XIRP2: variants seen among roughly 807,000 people sequenced by gnomAD.
XIRP2 encodes the protein xin actin-binding repeat-containing protein 2.
Under a neutral mutation model 277.0 loss-of-function variants are expected in XIRP2, and 236 were observed. The observed-to-expected ratio is 0.85, with a 90% CI of 0.77 to 0.95. The LOEUF is 0.95. Among genes scored for constraint, XIRP2 ranks in the 40% least tolerant of loss-of-function variants. The pLI is 0.00. For synonymous variants in XIRP2, 1,490 were observed against 1,416.5 expected (o/e 1.05, Z -1.17); for missense variants, 4,640 against 4,157.5 (o/e 1.12, Z -3.19).
chr2:167,209,591 AGATGCATGAATGAGT>A (rs1486246167), intron 3 of XIRP2, among the ~76,000 whole-genome samples: 1 of 152,132 alleles, frequency 6.6e-6, no homozygotes. Flanking sequence ...TGAAGGCAGG[AGATGCATGAATGAGT>A]GATGCATATA....
intron 2 of XIRP2, among the ~76,000 whole-genome samples, chr2:166,940,668 A>G (rs1685680690): frequency 6.6e-6 from 1 of 152,218 alleles, no homozygotes; most frequent in Non-Finnish European, 1.5e-5. Context: ...TCTAACAGTC[A>G]GGACCCTCAG....
chr2:166,988,989 T>C (rs1220353954), intron 2 of XIRP2, among the ~76,000 whole-genome samples: 48 of 102,120 alleles, frequency 4.7e-4, no homozygotes, highest in Non-Finnish European at 7.9e-4. Context: ...TGCCTGCCTC[T>C]GTAGGCTCCA....
chr2:167,247,578 G>A lies in XIRP2; in HGVS notation c.6186G>A (p.Thr2062=), dbSNP rs1282402089. The A allele has an allele frequency of 1.5e-5, 25 of 1,613,520 alleles. 1 individual carries two copies. The Admixed American group carries it at 2.2e-4, about 14-fold the overall frequency. Reference sequence around the variant, plus strand: ...ATGTTTTGGAATCAGGAGACAAAACGGGTGTCTGGACTGATACTACAGGAG... The same window carrying A: ...ATGTTTTGGAATCAGGAGACAAAACAGGTGTCTGGACTGATACTACAGGAG... The part of the protein sequence containing the change: ...KSNVLESGDK[T]GVWTDTTGEQ... Residue 2062 remains threonine, a synonymous_variant, in exon 9 of 11, where the codon ACG becomes ACA. Coordinates refer to ENST00000409195, the MANE Select transcript of XIRP2 (RefSeq NM_152381.6).
chr2:167,109,084 A>G (rs1031903371), intron 2 of XIRP2, among the ~76,000 whole-genome samples: 2 of 151,854 alleles, frequency 1.3e-5, no homozygotes, highest in African/African-American at 4.8e-5. Flanking sequence ...ATGTGTTCTC[A>G]TTGTTTATTA....
intron 2 of XIRP2, among the ~76,000 whole-genome samples, chr2:167,008,591 AT>A: frequency 6.6e-6 from 1 of 151,696 alleles, no homozygotes; most frequent in Non-Finnish European, 1.5e-5. Flanking sequence ...TGGTTTGAAG[AT>A]TTTGTTTTTT....
chr2:167,222,576 C>A (rs1489082378), intron 5 of XIRP2, among the ~76,000 whole-genome samples: 2 of 152,114 alleles, frequency 1.3e-5, no homozygotes, highest in East Asian at 3.9e-4. Context: ...GGATTGAATT[C>A]TCAGTGTTTT....
intron 2 of XIRP2, among the ~76,000 whole-genome samples, chr2:167,101,305 T>C (rs114005961): frequency 0.015 from 2,217 of 152,274 alleles, 59 homozygotes; most frequent in African/African-American, 0.051. Flanking sequence ...GTAAAAGAGT[T>C]TGAATATGTA....
intron 3 of XIRP2, among the ~76,000 whole-genome samples, chr2:167,209,447 G>A (rs1160189283): frequency 6.6e-6 from 1 of 152,046 alleles, no homozygotes; most frequent in Admixed American, 6.5e-5. Flanking sequence ...AGGGCACAGA[G>A]GGAACAGCTT....
chr2:167,246,318 C>T lies in XIRP2; in HGVS notation c.4926C>T (p.Asn1642=), dbSNP rs1401708508. The T allele has an allele frequency of 1.2e-6, 2 of 1,612,948 alleles. No individual in the cohort carries two copies. Among genetic ancestry groups the T allele is most frequent in the East Asian group, 2.2e-5 (1 of 44,802 alleles). ...ATTTGACTAAAACTCAATTATTAAACAGATCAACTGAATTTCATGCTGAAA... is the reference window on the plus strand; with the variant it reads ...ATTTGACTAAAACTCAATTATTAAATAGATCAACTGAATTTCATGCTGAAA... ...NVNLTKTQLL[N]RSTEFHAEKE... Residue 1642 remains asparagine (N), a synonymous_variant, in exon 9 of 11, where the codon AAC becomes AAT. Coordinates refer to ENST00000409195, the MANE Select transcript of XIRP2 (RefSeq NM_152381.6).
intron 3 of XIRP2, among the ~76,000 whole-genome samples, chr2:167,166,787 C>T (rs6709377): frequency 0.099 from 15,046 of 152,150 alleles, 798 homozygotes; most frequent in South Asian, 0.15. Context: ...ACACCTTCCA[C>T]GAGGCCTCAA....
chr2:166,929,507 A>G (rs899959153), intron 2 of XIRP2, among the ~76,000 whole-genome samples: 1 of 152,150 alleles, frequency 6.6e-6, no homozygotes, highest in Non-Finnish European at 1.5e-5. Flanking sequence ...GTCTGTACCA[A>G]AAGTTGTAGT....
At chr2:167,046,121 A>C (rs867608831) in intron 2 of XIRP2, among the ~76,000 whole-genome samples, 1 of 152,014 alleles carries the variant, frequency 6.6e-6, no homozygotes, top group East Asian at 1.9e-4. Context: ...TTTGGTGGCT[A>C]TTATGCATGG....
intron 2 of XIRP2, among the ~76,000 whole-genome samples, chr2:166,951,092 T>C (rs927054247): frequency 5.9e-5 from 9 of 151,998 alleles, no homozygotes; most frequent in Admixed American, 4.6e-4. Context: ...GAGTGGAGAA[T>C]GGAAGGTAAC....
intron 2 of XIRP2, among the ~76,000 whole-genome samples, chr2:167,006,250 T>G (rs1423720388): frequency 6.6e-6 from 1 of 151,702 alleles, no homozygotes; most frequent in Non-Finnish European, 1.5e-5. Context: ...TGTTTGAAGC[T>G]ACCAAGGATT....
chr2:167,246,405 A>G lies in XIRP2; in HGVS notation c.5013A>G (p.Arg1671=), dbSNP rs1335864391. ...TAAAAAACCTGTTCTCTGAGGAAAGATCTGTAAAGAAAGGCATCTTAATTC... is the reference window on the plus strand; with the variant it reads ...TAAAAAACCTGTTCTCTGAGGAAAGGTCTGTAAAGAAAGGCATCTTAATTC... The part of the protein sequence containing the change: ...QAIKNLFSEE[R]SVKKGILIQE... The change falls in exon 9 of 11, where the codon AGA becomes AGG. Residue 1671 remains arginine (R), a synonymous_variant. Coordinates refer to ENST00000409195, the MANE Select transcript of XIRP2 (RefSeq NM_152381.6). 3 of 1,613,660 alleles carry G rather than the reference A, an allele frequency of 1.9e-6. No individual in the cohort carries two copies. The highest frequency in any genetic ancestry group is 1.1e-5 in the South Asian group (1 of 91,050).
chr2:167,086,516 T>A (rs941616670), intron 2 of XIRP2, among the ~76,000 whole-genome samples: 20 of 151,856 alleles, frequency 1.3e-4, no homozygotes, highest in Non-Finnish European at 1.6e-4. Flanking sequence ...GAAGTTCTCC[T>A]GGATAATATC....
At chr2:166,975,903 C>T (rs1490296718) in intron 2 of XIRP2, among the ~76,000 whole-genome samples, 2 of 122,272 alleles carry the variant, frequency 1.6e-5, no homozygotes, top group Non-Finnish European at 3.1e-5. Flanking sequence ...TGTACTCCAG[C>T]CTGGGTGACA....
Position 167,257,852 on chromosome 2 carries a change from G to A in XIRP2, c.*40-5G>A, listed in dbSNP as rs757296151. The A allele has an allele frequency of 3.8e-6, 6 of 1,576,224 alleles. No homozygotes were observed. Among genetic ancestry groups the A allele is most frequent in the Non-Finnish European group, 5.1e-6 (6 of 1,165,868 alleles). On this transcript the variant is annotated splice_polypyrimidine_tract_variant and splice_region_variant and intron_variant, in intron 10 of 10. Transcript: ENST00000409195. ...ACTGCTAAGTGTTCTTTTTCTTTTTGGCAGTTTGGGAAATTATGCATCACT... is the reference window on the plus strand; with the variant it reads ...ACTGCTAAGTGTTCTTTTTCTTTTTAGCAGTTTGGGAAATTATGCATCACT...
intron 5 of XIRP2, among the ~76,000 whole-genome samples, chr2:167,232,543 C>T (rs1008359884): frequency 6.6e-6 from 1 of 151,896 alleles, no homozygotes; most frequent in Non-Finnish European, 1.5e-5. Context: ...TAGCTGAACT[C>T]TAGTTTTACT....
Sources: gnomAD v4.1 joint callset for allele counts (sites outside exome capture counted in the v4.1 genomes callset) on GRCh38, gnomAD v4.1.1 for gene constraint, MANE v1.5 for transcripts, NCBI Gene and HGNC (gene_info 2026-07-23, HGNC 2026-07-21) for gene names.